Variants in ST3GAL5 observed in about 807,000 individuals in gnomAD.
The protein encoded by ST3GAL5 is ST3 beta-galactoside alpha-2,3-sialyltransferase 5.
In ST3GAL5, 25 loss-of-function variants were observed where a neutral mutation model predicts 46.1. The observed-to-expected ratio is 0.54, with a 90% confidence interval of 0.40 to 0.76. The LOEUF (loss-of-function observed/expected upper bound fraction) is 0.76. Ranked by LOEUF, ST3GAL5 falls within the 30% of genes least tolerant of loss-of-function variation. The pLI, the probability that ST3GAL5 is intolerant of heterozygous loss-of-function variation, is 0.00. For synonymous variants in ST3GAL5, 182 were observed against 192.7 expected (o/e 0.94, Z 0.46); for missense variants, 431 against 521.2 (o/e 0.83, Z 1.69).
At chr2:85,876,818 T>C (rs1046100805) in intron 1 of ST3GAL5, among the ~76,000 whole-genome samples, 2 of 152,142 alleles carry the variant, frequency 1.3e-5, no homozygotes, top group African/African-American at 4.8e-5. Flanking sequence ...GAAAGCTCAG[T>C]GCTGTGGGCG....
chr2:85,846,493 G>T lies in ST3GAL5; in HGVS notation c.733C>A (p.Pro245Thr). The T allele has an allele frequency of 6.2e-7, 1 of 1,614,140 alleles. No homozygotes were observed. The highest frequency in any genetic ancestry group is 8.5e-7 in the Non-Finnish European group (1 of 1,180,012). The change falls in exon 5 of 7, where the codon CCA becomes ACA. Residue 245 changes from proline (P) to threonine (T), a missense_variant. Coordinates refer to ENST00000638572, the MANE Select transcript of ST3GAL5 (RefSeq NM_003896.4). The stretch of plus-strand genomic sequence containing the variant: ...AGGTCAGACAGTGGTGCGCCCTCTG[G>T]ATAAGTCATCCTTATAGTAGTTTTA... ...GNKTTIRMTYPEGAPLSDLEY... is the reference protein window; with the variant it reads ...GNKTTIRMTYTEGAPLSDLEY...
chr2:85,880,506 A>G (rs1687027452), intron 1 of ST3GAL5, among the ~76,000 whole-genome samples: 3 of 152,142 alleles, frequency 2.0e-5, no homozygotes, highest in African/African-American at 4.8e-5. Flanking sequence ...GCAACAAGAA[A>G]CACACGCACT....
intron 3 of ST3GAL5, chr2:85,853,295 T>C (rs1250965504): frequency 1.5e-5 from 5 of 337,278 alleles, no homozygotes; most frequent in African/African-American, 8.6e-5. Context: ...TTAAGGGACA[T>C]ATTTAAATAG....
chr2:85,847,438 A>C (rs999536685), intron 4 of ST3GAL5: 2 of 1,010,766 alleles, frequency 2.0e-6, no homozygotes, highest in Non-Finnish European at 2.4e-6. Context: ...TGGAGCATCC[A>C]ACCATTTTGT....
intron 5 of ST3GAL5, chr2:85,844,875 C>T (rs1333332019): frequency 2.5e-6 from 1 of 403,924 alleles, no homozygotes; most frequent in Non-Finnish European, 4.7e-6. Context: ...TGAATAGGTC[C>T]AATTTAAGGC....
At chr2:85,875,923 C>G (rs1054932539) in intron 1 of ST3GAL5, among the ~76,000 whole-genome samples, 4 of 152,168 alleles carry the variant, frequency 2.6e-5, no homozygotes, top group African/African-American at 2.4e-5. Flanking sequence ...ATTCCAAGAC[C>G]TGCCGCCTGC....
chr2:85,886,225 T>C (rs1238962222), intron 1 of ST3GAL5, among the ~76,000 whole-genome samples: 2 of 152,156 alleles, frequency 1.3e-5, no homozygotes, highest in East Asian at 3.8e-4. Context: ...GGCTAGGAGT[T>C]GCCAGAGACC....
rs759935022 is a variant in ST3GAL5 at position 85,839,652 on chromosome 2, A to T, written c.*492T>A. On this transcript the variant is annotated 3_prime_UTR_variant, in exon 7 of 7. Transcript: ENST00000638572. ...ACCAGCCCAGGCCTCACGCCGCTGC[A>T]TCGCAGACCCAGTATCAGCAGCAGA... 2.1e-5 allele frequency: 5 copies of T among 233,996 alleles called. No individual in the cohort carries two copies. The highest frequency in any genetic ancestry group is 2.6e-5 in the Non-Finnish European group (3 of 117,144). 14.5% of individuals were successfully genotyped at this position (233,996 alleles called of 1,614,324 possible). A position where few individuals can be genotyped will look rare whatever the true frequency, so the allele number is the denominator to read the frequency against.
At chr2:85,858,164 AC>A (rs375873139) in intron 3 of ST3GAL5, 1 of 152,374 alleles carries the variant, frequency 6.6e-6, no homozygotes, top group African/African-American at 2.4e-5. Context: ...AGAATTCAGA[AC>A]TTTGAAAGCC....
rs371408198 is a variant in ST3GAL5 at position 85,839,612 on chromosome 2, T to G, written c.*532A>C. 3 of 182,154 alleles carry G rather than the reference T, an allele frequency of 1.6e-5. No individual in the cohort carries two copies. The highest frequency in any genetic ancestry group is 1.1e-4 in the Admixed American group (2 of 18,350). 11.3% of individuals were successfully genotyped at this position (182,154 alleles called of 1,614,324 possible). On this transcript the variant is annotated 3_prime_UTR_variant, in exon 7 of 7. Coordinates refer to ENST00000638572, the MANE Select transcript of ST3GAL5 (RefSeq NM_003896.4). The stretch of plus-strand genomic sequence containing the variant: ...CAGAAGGCAGACCAACAGAGAAGGG[T>G]TGTGACCTTCTCCAACCAGCCCAGG...
intron 1 of ST3GAL5, chr2:85,867,908 G>A (rs1324190202): frequency 1.1e-5 from 6 of 526,454 alleles, no homozygotes; most frequent in South Asian, 7.1e-5. Context: ...CATCCAAGAT[G>A]GCATTGCTTT....
intron 1 of ST3GAL5, among the ~76,000 whole-genome samples, chr2:85,872,769 A>G (rs1686090143): frequency 1.3e-5 from 2 of 152,212 alleles, no homozygotes; most frequent in East Asian, 1.9e-4. Flanking sequence ...GCACCTAGAC[A>G]GGGACCTACC....
chr2:85,856,227 A>ATTATCCAGG (rs1237540181), intron 3 of ST3GAL5: 1 of 152,258 alleles, frequency 6.6e-6, no homozygotes, highest in Non-Finnish European at 1.5e-5. Flanking sequence ...AAAATGAGGT[A>ATTATCCAGG]TATCCATACA....
chr2:85,848,412 A>C, intron 3 of ST3GAL5: 1 of 1,529,046 alleles, frequency 6.5e-7, no homozygotes. Context: ...GGAGATAAAC[A>C]CAGCAGGGTA....
In ST3GAL5 at chr2:85,871,534, A is replaced by G. The variant is rs538961910; in HGVS notation, c.83-8049T>C. 2.0e-5 allele frequency among the ~76,000 whole-genome samples: 3 copies of G among 152,336 alleles called. No homozygotes were observed. In the South Asian group the frequency reaches 6.2e-4, roughly 32 times the overall value. ...TAAAGCAGTACATGATGAATTGCCA[A>G]ATTAACTATACAGATAATTACTGGT... On this transcript the variant is annotated intron_variant, in intron 1 of 6. Coordinates refer to ENST00000638572, the MANE Select transcript of ST3GAL5 (RefSeq NM_003896.4).
chr2:85,845,064 A>G (rs1682617403), intron 5 of ST3GAL5: 1 of 217,608 alleles, frequency 4.6e-6, no homozygotes, highest in Admixed American at 5.2e-5. Flanking sequence ...TTGTCATCAC[A>G]TGGAGTTTAC....
chr2:85,880,996 C>A, intron 1 of ST3GAL5: 1 of 504,430 alleles, frequency 2.0e-6, no homozygotes, highest in Admixed American at 2.0e-5. Context: ...TGAATTGTAT[C>A]TCCCAGAATT....
chr2:85,871,040 T>G (rs1487445852), intron 1 of ST3GAL5, among the ~76,000 whole-genome samples: 1 of 146,090 alleles, frequency 6.8e-6, no homozygotes, highest in Non-Finnish European at 1.5e-5. Flanking sequence ...CCATTTATCT[T>G]TTTTTTTTTT....
At chr2:85,868,644 A>G (rs1424436952) in intron 1 of ST3GAL5, among the ~76,000 whole-genome samples, 2 of 140,918 alleles carry the variant, frequency 1.4e-5, no homozygotes, top group African/African-American at 2.7e-5. Context: ...TTTGAGATGG[A>G]GTCTCACTCT....
Sources: allele counts gnomAD v4.1 joint callset (sites outside exome capture counted in the v4.1 genomes callset), GRCh38; gene constraint gnomAD v4.1.1; transcripts MANE v1.5; gene names NCBI Gene and HGNC (gene_info 2026-07-23, HGNC 2026-07-21).